The following PRKD1 variants were observed in gnomAD, a reference collection of about 807,000 sequenced individuals.
PRKD1 encodes serine/threonine-protein kinase D1.
PRKD1 carries 63 observed loss-of-function variants against 95.9 expected under a neutral mutation model. The ratio of observed to expected loss-of-function variants is 0.66; its 90% CI spans 0.54 to 0.81. PRKD1 has a LOEUF of 0.81. Among genes scored for constraint, PRKD1 ranks in the 30% least tolerant of loss-of-function variants. The probability of loss-of-function intolerance (pLI) is 0.00; values close to 1 mark genes in which losing one functional copy is unlikely to be tolerated. For missense variants in PRKD1, 1,048 were observed against 1,165.3 expected (o/e 0.90, Z 1.47); for synonymous variants, 425 against 423.1 (o/e 1.00, Z -0.05).
At chr14:29,677,737 G>T (rs925708342) in intron 2 of PRKD1, among the ~76,000 whole-genome samples, 7 of 152,184 alleles carry the variant, frequency 4.6e-5, no homozygotes, top group African/African-American at 1.4e-4. Flanking sequence ...AGCATGCCAA[G>T]CTAATTTAGT....
At chr14:29,798,476 C>G (rs1029346954) in intron 1 of PRKD1, among the ~76,000 whole-genome samples, 3 of 152,144 alleles carry the variant, frequency 2.0e-5, no homozygotes, top group African/African-American at 7.2e-5. Context: ...CATTAAGGAT[C>G]CATGTATACA....
At chr14:29,695,853 G>T (rs1884486230) in intron 2 of PRKD1, among the ~76,000 whole-genome samples, 3 of 152,124 alleles carry the variant, frequency 2.0e-5, no homozygotes, top group African/African-American at 7.2e-5. Flanking sequence ...AAGAACGAGA[G>T]AAAATGATAG....
intron 12 of PRKD1, 60 bp from the exon 13 acceptor site, chr14:29,624,318 A>G: frequency 8.1e-7 from 1 of 1,237,906 alleles, no homozygotes; most frequent in Non-Finnish European, 1.1e-6. Context: ...CTTAAAGAAC[A>G]CTAAAATTTG....
intron 1 of PRKD1, among the ~76,000 whole-genome samples, chr14:29,783,545 G>A (rs1467274743): frequency 6.6e-6 from 1 of 152,098 alleles, no homozygotes. Flanking sequence ...ATATATGGTG[G>A]TTCCATTTTA....
chr14:29,636,540 G>A (rs770721040), intron 6 of PRKD1, 46 bp from the exon 7 acceptor site: 2 of 1,593,642 alleles, frequency 1.3e-6, no homozygotes, highest in African/African-American at 1.3e-5. Context: ...GAATCTTGGA[G>A]CCAGGGCTTA....
intron 1 of PRKD1, among the ~76,000 whole-genome samples, chr14:29,799,436 G>A (rs149637695): frequency 5.3e-5 from 8 of 152,212 alleles, no homozygotes; most frequent in African/African-American, 9.6e-5. Context: ...AAATTGCTCC[G>A]GGATTCCTAA....
chr14:29,769,167 A>G (rs1221505958), intron 1 of PRKD1, among the ~76,000 whole-genome samples: 1 of 152,230 alleles, frequency 6.6e-6, no homozygotes, highest in Admixed American at 6.5e-5. Flanking sequence ...TGTATCACCA[A>G]CAGGAGAAAA....
At chr14:29,637,889 T>C (rs1469696421) in intron 6 of PRKD1, among the ~76,000 whole-genome samples, 1 of 152,230 alleles carries the variant, frequency 6.6e-6, no homozygotes, top group Non-Finnish European at 1.5e-5. Flanking sequence ...TAAAGACCAC[T>C]ATCTGCAGAA....
chr14:29,849,026 A>G (rs552124599), intron 1 of PRKD1, among the ~76,000 whole-genome samples: 1 of 152,338 alleles, frequency 6.6e-6, no homozygotes, highest in South Asian at 2.1e-4. Flanking sequence ...ATCCTCAGAG[A>G]CTATTATGAA....
chr14:29,897,048 G>A (rs931995875), intron 1 of PRKD1, among the ~76,000 whole-genome samples: 7 of 151,736 alleles, frequency 4.6e-5, no homozygotes, highest in African/African-American at 1.7e-4. Context: ...CTACTAGCCA[G>A]ATAAAACCAC....
At chr14:29,632,798 T>G (rs1880102717) in intron 9 of PRKD1, 71 bp downstream of exon 9, 3 of 1,390,392 alleles carry the variant, frequency 2.2e-6, no homozygotes, top group Non-Finnish European at 3.0e-6. Flanking sequence ...TATTTCCTAT[T>G]TCTTATACTC....
Position 29,610,794 on chromosome 14 carries a change from T to C in PRKD1, c.1906-10977A>G, listed in dbSNP as rs536663866. Among the ~76,000 whole-genome samples, 63 of 152,300 alleles carry C rather than the reference T, an allele frequency of 4.1e-4. 1 individual carries two copies. Among genetic ancestry groups the C allele is most frequent in the Middle Eastern group, 6.8e-3 (2 of 294 alleles). On this transcript the variant is annotated intron_variant, in intron 13 of 17. Transcript: ENST00000331968. ...CAGTAGGTGAATGAACAAACTGTGG[T>C]ACATCCAGGGAATATTATTTAGTGC...
chr14:29,806,364 G>A (rs955419981), intron 1 of PRKD1, among the ~76,000 whole-genome samples: 16 of 152,262 alleles, frequency 1.1e-4, no homozygotes, highest in African/African-American at 3.4e-4. Context: ...CTTGGGAGAA[G>A]GAGGGTATGC....
At chr14:29,791,331 G>A (rs937606841) in intron 1 of PRKD1, among the ~76,000 whole-genome samples, 1 of 152,116 alleles carries the variant, frequency 6.6e-6, no homozygotes, top group Admixed American at 6.6e-5. Context: ...CCAAGGTAAA[G>A]TTGACATAAA....
At chr14:29,679,870 G>A (rs1297240901) in intron 2 of PRKD1, among the ~76,000 whole-genome samples, 1 of 151,848 alleles carries the variant, frequency 6.6e-6, no homozygotes, top group African/African-American at 2.4e-5. Flanking sequence ...TGAGAATACA[G>A]GCATGCAACA....
intron 1 of PRKD1, among the ~76,000 whole-genome samples, chr14:29,807,836 C>T (rs1594536886): frequency 6.6e-6 from 1 of 151,736 alleles, no homozygotes; most frequent in Non-Finnish European, 1.5e-5. Flanking sequence ...ATTCTCATGC[C>T]TTAGCCTCCC....
chr14:29,663,783 G>C lies in PRKD1; in HGVS notation c.612C>G (p.Leu204=), dbSNP rs1420535890. Residue 204 remains leucine, a synonymous_variant, in exon 4 of 18, where the codon CTC becomes CTG. Transcript: ENST00000331968. ...TGACCCCAGTGAGGGAAACGTTTGA[G>C]AGCCTTCTCCGCCTCACACCGCTGC... ...NNCSGVRRRR[L]SNVSLTGVST... is the part of the protein sequence containing the mutation. 2.5e-6 allele frequency: 4 copies of C among 1,614,026 alleles called. No homozygotes were observed. The highest frequency in any genetic ancestry group is 3.4e-6 in the Non-Finnish European group (4 of 1,179,964).
intron 1 of PRKD1, among the ~76,000 whole-genome samples, chr14:29,896,537 T>G (rs1434420072): frequency 6.6e-6 from 1 of 152,194 alleles, no homozygotes; most frequent in Non-Finnish European, 1.5e-5. Context: ...AGGACTGATT[T>G]CTGCCTGCAT....
rs764355225 is a variant in PRKD1, at chr14:29,800,840, T to C, written c.265-75166A>G. ...AAAAACAGTCCAGTCCTTCATCCCT[T>C]TCCTTCTAGCTCCACACTTGGTCCC... On this transcript the variant is annotated intron_variant, in intron 1 of 17. Coordinates refer to ENST00000331968, the MANE Select transcript of PRKD1 (RefSeq NM_002742.3). Among the ~76,000 whole-genome samples the C allele has an allele frequency of 1.0e-3, 154 of 152,108 alleles. 1 individual carries two copies. The highest frequency in any genetic ancestry group is 2.9e-4 in the Non-Finnish European group (20 of 68,028).
Sources: gnomAD v4.1 joint callset for allele counts (sites outside exome capture counted in the v4.1 genomes callset) on GRCh38, gnomAD v4.1.1 for gene constraint, MANE v1.5 for transcripts, NCBI Gene and HGNC (gene_info 2026-07-23, HGNC 2026-07-21) for gene names.